Variants in ADAM18 observed in about 807,000 individuals in gnomAD.
The protein encoded by ADAM18 is disintegrin and metalloproteinase domain-containing protein 18.
A neutral mutation model predicts 94.4 loss-of-function variants in ADAM18; 117 were observed. The observed-to-expected ratio is 1.24, with a 90% CI of 1.07 to 1.45. The LOEUF (loss-of-function observed/expected upper bound fraction) is 1.45. Ranked by LOEUF, ADAM18 falls within the 40% of genes most tolerant of loss-of-function variation. The pLI is 0.00. For missense variants in ADAM18, 936 were observed against 880.0 expected, an observed-to-expected ratio of 1.06 and a Z score of -0.81; for synonymous variants, 327 against 291.6, an observed-to-expected ratio of 1.12 and a Z score of -1.24.
intron 18 of ADAM18, among the ~76,000 whole-genome samples, chr8:39,715,919 G>A (rs1822559849): frequency 6.6e-6 from 1 of 151,986 alleles, no homozygotes; most frequent in African/African-American, 2.4e-5. Context: ...TAGAAGCAGG[G>A]GTGTGACTTC....
intron 14 of ADAM18, among the ~76,000 whole-genome samples, chr8:39,670,412 G>A (rs1203895607): frequency 1.3e-5 from 2 of 151,986 alleles, no homozygotes; most frequent in African/African-American, 4.8e-5. Context: ...TTTACTTGCA[G>A]GCATTTTTCT....
intron 12 of ADAM18, among the ~76,000 whole-genome samples, chr8:39,649,047 G>A (rs1028207040): frequency 6.6e-6 from 1 of 151,874 alleles, no homozygotes; most frequent in Non-Finnish European, 1.5e-5. Flanking sequence ...TCAATCAAAT[G>A]TTCAATGAAC....
At chr8:39,627,404 C>T (rs1381120942) in intron 6 of ADAM18, among the ~76,000 whole-genome samples, 7 of 152,116 alleles carry the variant, frequency 4.6e-5, no homozygotes, top group Non-Finnish European at 2.9e-5. Flanking sequence ...TTATCTCCAC[C>T]TGACCCCACC....
chr8:39,638,837 G>A (rs1234115373), intron 10 of ADAM18, among the ~76,000 whole-genome samples: 1 of 151,738 alleles, frequency 6.6e-6, no homozygotes, highest in Non-Finnish European at 1.5e-5. Flanking sequence ...AAGCATTAGA[G>A]CAATGTTAAA....
intron 7 of ADAM18, among the ~76,000 whole-genome samples, chr8:39,633,620 A>G (rs1190582788): frequency 1.3e-5 from 2 of 152,184 alleles, no homozygotes; most frequent in Non-Finnish European, 2.9e-5. Flanking sequence ...TGCCCATGCC[A>G]TAGAACTTTA....
intron 16 of ADAM18, among the ~76,000 whole-genome samples, chr8:39,690,258 G>A (rs74347326): frequency 0.02 from 3,073 of 152,150 alleles, 100 homozygotes; most frequent in African/African-American, 0.07. Flanking sequence ...CTAGGGCAGA[G>A]GCACTCCAGC....
chr8:39,586,969 T>C (rs1189823906), intron 2 of ADAM18, among the ~76,000 whole-genome samples: 1 of 152,190 alleles, frequency 6.6e-6, no homozygotes, highest in African/African-American at 2.4e-5. Flanking sequence ...ACATGCAGTA[T>C]TCATTCGTTG....
rs187143859 is a variant in ADAM18 at position 39,658,194 on chromosome 8, A to G, written c.1231-5601A>G. Among the ~76,000 whole-genome samples, 319 of 152,286 alleles carry G rather than the reference A, an allele frequency of 2.1e-3. 2 individuals carry two copies. The highest frequency in any genetic ancestry group is 2.2e-3 in the Non-Finnish European group (148 of 68,018). On this transcript the variant is annotated intron_variant, in intron 12 of 19. Transcript: ENST00000265707. Reference sequence around the variant, plus strand: ...AAAGAATCTATGGCAAATTCCTTAAATTGTTTTATTAATATAATTGTGGTA... The same window carrying G: ...AAAGAATCTATGGCAAATTCCTTAAGTTGTTTTATTAATATAATTGTGGTA...
At chr8:39,656,170 G>A (rs1820676846) in intron 12 of ADAM18, among the ~76,000 whole-genome samples, 2 of 151,650 alleles carry the variant, frequency 1.3e-5, no homozygotes, top group Non-Finnish European at 2.9e-5. Flanking sequence ...AACATGAAAG[G>A]CACAAAGCTA....
intron 17 of ADAM18, among the ~76,000 whole-genome samples, chr8:39,703,323 T>C (rs558522312): frequency 1.3e-5 from 2 of 152,262 alleles, no homozygotes; most frequent in African/African-American, 2.4e-5. Context: ...TTTTTGTACA[T>C]TGATTTTGTA....
At position 39,588,602 on chromosome 8, in the gene ADAM18, A is replaced by G. The variant is rs1366544760; in HGVS notation, c.132+3250A>G. On this transcript the variant is annotated intron_variant, in intron 2 of 19. Coordinates refer to ENST00000265707, the MANE Select transcript of ADAM18 (RefSeq NM_014237.3). Reference sequence around the variant, plus strand: ...CTTTCTGTTTTATCTAAGTATACATATGGAAGCCATAGTGCCATTGTTGGT... The same window carrying G: ...CTTTCTGTTTTATCTAAGTATACATGTGGAAGCCATAGTGCCATTGTTGGT... Among the ~76,000 whole-genome samples the G allele has an allele frequency of 2.0e-5, 3 of 151,654 alleles. No homozygotes were observed. The East Asian group carries it at 5.9e-4, about 30-fold the overall frequency.
intron 7 of ADAM18, among the ~76,000 whole-genome samples, chr8:39,633,298 C>A (rs1254851787): frequency 6.6e-6 from 1 of 152,100 alleles, no homozygotes; most frequent in East Asian, 1.9e-4. Flanking sequence ...TGGTACCTGG[C>A]AATGGGTTGA....
intron 16 of ADAM18, among the ~76,000 whole-genome samples, chr8:39,691,910 A>G (rs1821793044): frequency 6.7e-6 from 1 of 149,640 alleles, no homozygotes; most frequent in African/African-American, 2.5e-5. Context: ...AGATTTGAGG[A>G]AGTAATTAAA....
intron 2 of ADAM18, among the ~76,000 whole-genome samples, chr8:39,598,376 C>T (rs984388167): frequency 6.6e-6 from 1 of 151,780 alleles, no homozygotes; most frequent in Non-Finnish European, 1.5e-5. Flanking sequence ...TGATGTTAGC[C>T]CTAGGTTTTT....
intron 14 of ADAM18, among the ~76,000 whole-genome samples, chr8:39,671,841 C>T (rs1821166982): frequency 6.6e-6 from 1 of 152,146 alleles, no homozygotes; most frequent in Non-Finnish European, 1.5e-5. Context: ...GGAAACTATA[C>T]TCCAAAAAAG....
intron 18 of ADAM18, 84 bp from the exon 19 acceptor site, chr8:39,723,664 C>T (rs893269042): frequency 6.4e-5 from 64 of 1,002,632 alleles, no homozygotes; most frequent in Admixed American, 1.6e-4. Flanking sequence ...ATTATATATA[C>T]ACGTATATGA....
intron 9 of ADAM18, 71 bp from the exon 10 acceptor site, chr8:39,638,394 G>T: frequency 9.8e-7 from 1 of 1,016,340 alleles, no homozygotes; most frequent in South Asian, 1.9e-5. Context: ...ATGTGAAGAA[G>T]GTTTAATTTA....
chr8:39,654,581 C>T (rs1469870199), intron 12 of ADAM18, among the ~76,000 whole-genome samples: 2 of 151,962 alleles, frequency 1.3e-5, no homozygotes, highest in African/African-American at 4.8e-5. Flanking sequence ...TTGCTGGATC[C>T]TGTGGTAGTT....
chr8:39,659,531 G>A, intron 12 of ADAM18, among the ~76,000 whole-genome samples: 1 of 152,018 alleles, frequency 6.6e-6, no homozygotes, highest in Non-Finnish European at 1.5e-5. Context: ...TATAATCAAT[G>A]AGATGTCTCT....
Sources: gnomAD v4.1 joint callset for allele counts (sites outside exome capture counted in the v4.1 genomes callset) on GRCh38, gnomAD v4.1.1 for gene constraint, MANE v1.5 for transcripts, NCBI Gene and HGNC (gene_info 2026-07-23, HGNC 2026-07-21) for gene names.